The following PCDH15 variants were observed in gnomAD, a reference collection of about 807,000 sequenced individuals.
PCDH15 encodes the protein protocadherin related 15, also known as protocadherin-15.
In PCDH15, 129 loss-of-function variants were observed where a neutral mutation model predicts 178.5. The observed-to-expected ratio is 0.72, with a 90% CI of 0.63 to 0.84. PCDH15 has a LOEUF of 0.84. Among genes scored for constraint, PCDH15 ranks in the 40% least tolerant of loss-of-function variants. PCDH15 has a pLI of 0.00. For missense variants in PCDH15, 2,230 were observed against 2,099.9 expected (o/e 1.06, Z -1.21); for synonymous variants, 800 against 732.0 (o/e 1.09, Z -1.50).
At chr10:54,998,100 G>A (rs1260362614) in intron 2 of PCDH15, among the ~76,000 whole-genome samples, 1 of 151,964 alleles carries the variant, frequency 6.6e-6, no homozygotes, top group Non-Finnish European at 1.5e-5. Context: ...AAGAAGATAT[G>A]TTCTTATTGA....
intron 1 of PCDH15, among the ~76,000 whole-genome samples, chr10:54,711,049 C>T (rs2095423695): frequency 6.6e-6 from 1 of 151,912 alleles, no homozygotes; most frequent in South Asian, 2.1e-4. Context: ...CTCTATTTAG[C>T]AATGTTTTAG....
chr10:55,267,312 T>A (rs1279701438), intron 1 of PCDH15, among the ~76,000 whole-genome samples: 1 of 152,226 alleles, frequency 6.6e-6, no homozygotes, highest in Non-Finnish European at 1.5e-5. Flanking sequence ...TAAAGATGAA[T>A]CCTTAGATGT....
intron 2 of PCDH15, among the ~76,000 whole-genome samples, chr10:54,916,918 C>T (rs1462116052): frequency 1.3e-5 from 2 of 152,076 alleles, no homozygotes; most frequent in Non-Finnish European, 2.9e-5. Flanking sequence ...GTATGTAGTG[C>T]TTACTGTCAC....
At chr10:53,951,183 G>T (rs1030949342) in intron 23 of PCDH15, among the ~76,000 whole-genome samples, 2 of 152,150 alleles carry the variant, frequency 1.3e-5, no homozygotes, top group Non-Finnish European at 2.9e-5. Flanking sequence ...TGTAGAAAAT[G>T]ATTTAAACAA....
At chr10:54,014,841 A>G (rs2092693607) in intron 20 of PCDH15, among the ~76,000 whole-genome samples, 1 of 152,160 alleles carries the variant, frequency 6.6e-6, no homozygotes, top group Non-Finnish European at 1.5e-5. Context: ...ATTCTCCTTG[A>G]AAAGAGAAAC....
intron 8 of PCDH15, among the ~76,000 whole-genome samples, chr10:54,269,878 T>C (rs2057937970): frequency 1.3e-5 from 2 of 152,134 alleles, no homozygotes; most frequent in South Asian, 4.1e-4. Flanking sequence ...ATTCTAAAAA[T>C]TCAAAGTGTT....
intron 5 of PCDH15, among the ~76,000 whole-genome samples, chr10:54,351,895 A>G (rs902585780): frequency 5.9e-5 from 9 of 152,320 alleles, no homozygotes; most frequent in Non-Finnish European, 1.2e-4. Flanking sequence ...ATAGGACCCA[A>G]TACAGCAAGC....
At chr10:55,446,578 T>C (rs1049555781) in intron 2 of PCDH15, among the ~76,000 whole-genome samples, 3 of 152,082 alleles carry the variant, frequency 2.0e-5, no homozygotes, top group Admixed American at 6.6e-5. Context: ...TGGATTGCAT[T>C]ATTGGTCTCA....
At chr10:54,426,900 T>C (rs182051920) in intron 3 of PCDH15, among the ~76,000 whole-genome samples, 1 of 151,430 alleles carries the variant, frequency 6.6e-6, no homozygotes, top group East Asian at 1.9e-4. Context: ...AGTTTTCCCA[T>C]GAGTATAAAA....
intron 1 of PCDH15, among the ~76,000 whole-genome samples, chr10:55,234,523 C>T (rs1592008444): frequency 1.3e-5 from 2 of 151,736 alleles, no homozygotes; most frequent in East Asian, 3.9e-4. Context: ...CCCACCTCAG[C>T]CTCCCAACTA....
chr10:55,074,144 G>A (rs187705219), intron 2 of PCDH15, among the ~76,000 whole-genome samples: 254 of 152,022 alleles, frequency 1.7e-3, no homozygotes, highest in Non-Finnish European at 3.0e-3. Context: ...CCATGTCTTC[G>A]CTATTGTGAA....
At chr10:55,559,263 A>C (rs1184179484) in intron 2 of PCDH15, among the ~76,000 whole-genome samples, 1 of 152,086 alleles carries the variant, frequency 6.6e-6, no homozygotes, top group Non-Finnish European at 1.5e-5. Context: ...AATAAAAAAT[A>C]TCATATAGTT....
chr10:54,701,902 C>G (rs1054942571), intron 1 of PCDH15, among the ~76,000 whole-genome samples: 4 of 151,962 alleles, frequency 2.6e-5, no homozygotes, highest in Non-Finnish European at 5.9e-5. Flanking sequence ...ATAATCAAGG[C>G]AGAAAATTAA....
chr10:54,423,523 A>G (rs1955824200), intron 3 of PCDH15, among the ~76,000 whole-genome samples: 1 of 151,864 alleles, frequency 6.6e-6, no homozygotes, highest in South Asian at 2.1e-4. Flanking sequence ...GAGATGGATC[A>G]TTCACAATTT....
intron 1 of PCDH15, among the ~76,000 whole-genome samples, chr10:54,748,870 G>GA (rs1945816924): frequency 6.6e-6 from 1 of 152,170 alleles, no homozygotes; most frequent in South Asian, 2.1e-4. Flanking sequence ...AGATGAGACA[G>GA]ATAAGACGCG....
chr10:55,011,175 C>T (rs1473465715), intron 2 of PCDH15, among the ~76,000 whole-genome samples: 2 of 151,846 alleles, frequency 1.3e-5, no homozygotes, highest in Non-Finnish European at 2.9e-5. Context: ...ATGCAGGAGA[C>T]AGAAAAACAT....
chr10:54,255,976 T>C (rs1376550365), intron 8 of PCDH15, among the ~76,000 whole-genome samples: 1 of 152,058 alleles, frequency 6.6e-6, no homozygotes, highest in East Asian at 1.9e-4. Flanking sequence ...TTATATGAAA[T>C]AAACATCTGA....
intron 3 of PCDH15, 118 bp downstream of exon 3, chr10:54,527,694 A>G (rs1200473508): frequency 1.6e-6 from 1 of 641,438 alleles, no homozygotes; most frequent in East Asian, 2.9e-5. Context: ...GAGGGGAATT[A>G]TCCATGGATT....
At chr10:54,125,725 A>T (rs750080804) in intron 15 of PCDH15, among the ~76,000 whole-genome samples, 2 of 152,136 alleles carry the variant, frequency 1.3e-5, no homozygotes, top group Non-Finnish European at 2.9e-5. Flanking sequence ...AAAATGGAGA[A>T]GTTTTCAAGT....
Sources: gnomAD v4.1 joint callset for allele counts (sites outside exome capture counted in the v4.1 genomes callset) on GRCh38, gnomAD v4.1.1 for gene constraint, MANE v1.5 for transcripts, NCBI Gene and HGNC (gene_info 2026-07-23, HGNC 2026-07-21) for gene names.